CDKL5: variants seen among roughly 807,000 people sequenced by gnomAD.
CDKL5 encodes the protein cyclin-dependent kinase-like 5.
Under a neutral mutation model 61.7 loss-of-function variants are expected in CDKL5, and 8 were observed. The observed-to-expected ratio is 0.13, with a 90% CI of 0.08 to 0.23. The LOEUF (loss-of-function observed/expected upper bound fraction) is 0.23, where lower values mean the gene tolerates loss of function less well. CDKL5 is among the 10% of genes least tolerant of loss of function. The probability of loss-of-function intolerance (pLI) is 1.00; values close to 1 mark genes in which losing one functional copy is unlikely to be tolerated. For missense variants in CDKL5, 440 were observed against 734.5 expected (o/e 0.60, Z 4.63); for synonymous variants, 275 against 272.3 (o/e 1.01, Z -0.10).
intron 1 of CDKL5, among the ~76,000 whole-genome samples, chrX:18,478,901 A>T (rs982213978): frequency 1.8e-5 from 2 of 109,633 alleles, no homozygotes; most frequent in African/African-American, 6.6e-5. Flanking sequence ...TTTTTAGTAG[A>T]GACGGGGTTT....
intron 10 of CDKL5, among the ~76,000 whole-genome samples, chrX:18,597,033 A>G (rs1247131850): frequency 9.0e-6 from 1 of 111,349 alleles, no homozygotes; most frequent in African/African-American, 3.3e-5. Context: ...TATAATGTAA[A>G]CATATTAGTG....
At chrX:18,592,244 A>G (rs1194702091) in intron 9 of CDKL5, among the ~76,000 whole-genome samples, 1 of 112,422 alleles carries the variant, frequency 8.9e-6, no homozygotes, top group Admixed American at 9.4e-5. Flanking sequence ...TACAATTTAT[A>G]AGAAAGCGTG....
At chrX:18,510,017 A>AG (rs1185800513) in intron 2 of CDKL5, among the ~76,000 whole-genome samples, 7 of 104,615 alleles carry the variant, frequency 6.7e-5, no homozygotes, top group African/African-American at 2.5e-4. Flanking sequence ...AAAACAAAAC[A>AG]GAAAAAAAAA....
At chrX:18,498,027 A>G in intron 1 of CDKL5, among the ~76,000 whole-genome samples, 1 of 108,963 alleles carries the variant, frequency 9.2e-6, no homozygotes, top group East Asian at 2.9e-4. Flanking sequence ...ACAAGGTCTC[A>G]TTATGTTGCC....
chrX:18,570,423 C>T lies in CDKL5; in HGVS notation c.146-4931C>T, dbSNP rs190749098. Among the ~76,000 whole-genome samples, 333 of 111,760 alleles carry T rather than the reference C, an allele frequency of 3.0e-3. 1 individual carries two copies. Among genetic ancestry groups the T allele is most frequent in the African/African-American group, 9.5e-3 (291 of 30,747 alleles). ...TCATCTCTAAAGATTGGAGGGTCCT[C>T]ATCTTTCTTGGTGTATGTAACAGTA... On this transcript the variant is annotated intron_variant, in intron 4 of 17. Coordinates refer to ENST00000623535, the MANE Select transcript of CDKL5 (RefSeq NM_001323289.2).
At chrX:18,617,500 A>G (rs2147170525) in intron 15 of CDKL5, among the ~76,000 whole-genome samples, 1 of 112,477 alleles carries the variant, frequency 8.9e-6, no homozygotes, top group East Asian at 2.8e-4. Context: ...GCTCAGTTCC[A>G]GCTGTCAATG....
At chrX:18,605,586 T>TCAAAAA (rs1287746997) in intron 12 of CDKL5, among the ~76,000 whole-genome samples, 2 of 111,374 alleles carry the variant, frequency 1.8e-5, no homozygotes, top group Non-Finnish European at 3.8e-5. Context: ...AGACTCTGTC[T>TCAAAAA]CAAAAACAAA....
intron 15 of CDKL5, among the ~76,000 whole-genome samples, chrX:18,613,856 G>A (rs1378453607): frequency 8.9e-6 from 1 of 112,216 alleles, no homozygotes; most frequent in East Asian, 2.8e-4. Flanking sequence ...AAGCATAATG[G>A]TAATGAAAGG....
intron 11 of CDKL5, among the ~76,000 whole-genome samples, chrX:18,598,923 G>A (rs1304811632): frequency 9.0e-6 from 1 of 111,670 alleles, no homozygotes; most frequent in Non-Finnish European, 1.9e-5. Flanking sequence ...AAACCCATCA[G>A]TGATACCCGG....
chrX:18,477,702 A>G (rs1019714404), intron 1 of CDKL5, among the ~76,000 whole-genome samples: 3 of 111,559 alleles, frequency 2.7e-5, no homozygotes, highest in Non-Finnish European at 5.6e-5. Context: ...AGTAAGATAT[A>G]GAAACCGTTC....
At chrX:18,433,606 C>G (rs1931548674) in intron 1 of CDKL5, among the ~76,000 whole-genome samples, 1 of 112,374 alleles carries the variant, frequency 8.9e-6, no homozygotes, top group Non-Finnish European at 1.9e-5. Context: ...TTTGTATTTT[C>G]AAAAGTTCTT....
intron 3 of CDKL5, among the ~76,000 whole-genome samples, chrX:18,538,809 A>AT (rs1923928519): frequency 8.9e-6 from 1 of 112,244 alleles, no homozygotes; most frequent in South Asian, 3.6e-4. Flanking sequence ...ATTGCTGTTA[A>AT]TTCTTCCTTA....
intron 3 of CDKL5, among the ~76,000 whole-genome samples, chrX:18,544,247 A>T (rs1924118375): frequency 8.9e-6 from 1 of 111,944 alleles, no homozygotes; most frequent in African/African-American, 3.3e-5. Flanking sequence ...AAGGGCTGTT[A>T]GTTCTCTCCA....
chrX:18,489,181 TGATCTTG>T (rs769900176), intron 1 of CDKL5, among the ~76,000 whole-genome samples: 27 of 110,542 alleles, frequency 2.4e-4, no homozygotes, highest in African/African-American at 8.2e-4. Context: ...TGCAGTGGCA[TGATCTTG>T]GCTCACTGCA....
chrX:18,648,297 G>A lies in CDKL5; in HGVS notation c.2798-2113G>A, dbSNP rs555439501. ...CTCGCCCTGTCCTAGGCTGCAGTGC[G>A]GTGCTGCTATGTCAGCCCACTGCAA... On this transcript the variant is annotated intron_variant, in intron 20 of 21. Transcript: ENST00000379989. 2.7e-5 allele frequency among the ~76,000 whole-genome samples: 3 copies of A among 109,898 alleles called. No homozygotes were observed. In the South Asian group the frequency reaches 1.2e-3, roughly 44 times the overall value.
intron 3 of CDKL5, among the ~76,000 whole-genome samples, chrX:18,530,829 G>A (rs1389413087): frequency 8.9e-6 from 1 of 111,937 alleles, no homozygotes; most frequent in Non-Finnish European, 1.9e-5. Context: ...GCTAGGTCAT[G>A]TTTAATGATG....
At position 18,494,029 on chromosome X, in the gene CDKL5, C is replaced by T. The variant is rs1357399819; in HGVS notation, c.-162-12906C>T. 4.5e-5 allele frequency among the ~76,000 whole-genome samples: 5 copies of T among 111,075 alleles called. No individual in the cohort carries two copies. In the Admixed American group the frequency reaches 4.8e-4, roughly 11 times the overall value. On this transcript the variant is annotated intron_variant, in intron 1 of 17. Coordinates refer to ENST00000623535, the MANE Select transcript of CDKL5 (RefSeq NM_001323289.2). ...TCCTGTGTTCAAATGATTCTCCCAC[C>T]TCAGCCTCCTGAGTAGCTGGGAGTA...
At chrX:18,572,029 A>G (rs1336080351) in intron 4 of CDKL5, among the ~76,000 whole-genome samples, 2 of 112,144 alleles carry the variant, frequency 1.8e-5, no homozygotes, top group Non-Finnish European at 3.8e-5. Flanking sequence ...CGAATAATGT[A>G]TGTATAACAA....
At chrX:18,571,333 C>A (rs911388367) in intron 4 of CDKL5, among the ~76,000 whole-genome samples, 2 of 111,330 alleles carry the variant, frequency 1.8e-5, no homozygotes, top group African/African-American at 6.5e-5. Context: ...TGCCTGTGTT[C>A]TACTCAGACT....
Sources: allele counts gnomAD v4.1 joint callset (sites outside exome capture counted in the v4.1 genomes callset), GRCh38; gene constraint gnomAD v4.1.1; transcripts MANE v1.5; gene names NCBI Gene and HGNC (gene_info 2026-07-23, HGNC 2026-07-21).